The following NXPH4 variants were observed in gnomAD, a reference collection of about 807,000 sequenced individuals.
The protein encoded by NXPH4 is neurexophilin-4.
NXPH4 carries 8 observed loss-of-function variants against 21.3 expected under a neutral mutation model. The ratio of observed to expected loss-of-function variants is 0.38; its 90% CI spans 0.22 to 0.68. The LOEUF (loss-of-function observed/expected upper bound fraction) is 0.68. Ranked by LOEUF, NXPH4 falls within the 30% of genes least tolerant of loss-of-function variation. The pLI, the probability that NXPH4 is intolerant of heterozygous loss-of-function variation, is 0.53. For synonymous variants in NXPH4, 219 were observed against 192.6 expected, an observed-to-expected ratio of 1.14 and a Z score of -1.13; for missense variants, 418 against 416.8, an observed-to-expected ratio of 1.00 and a Z score of -0.03.
Position 57,216,906 on chromosome 12 carries a change from C to A in NXPH4, c.-64C>A. 7.4e-7 allele frequency: 1 copy of A among 1,349,582 alleles called. No homozygotes were observed. The highest frequency in any genetic ancestry group is 3.5e-5 in the East Asian group (1 of 28,364). The allele number at this position is 1,349,582 out of a possible 1,614,324, so 83.6% of individuals were successfully genotyped here. On this transcript the variant is annotated 5_prime_UTR_variant, in exon 1 of 2. Transcript: ENST00000349394. This position sits in a 1 kb window ranked among gnomAD's most constrained non-coding sequence, Gnocchi z 5.3. ...CCGCCGCCCGCCCGGAGCCCCGCGT[C>A]CCTAGGCCTGGCTCCCGCCTGCCCG... is the stretch of plus-strand genomic sequence containing the variant.
rs1025181547 is a variant in NXPH4 at position 57,219,506 on chromosome 12, A to G, written c.57+2480A>G. Among the ~76,000 whole-genome samples, 4 of 152,148 alleles carry G rather than the reference A, an allele frequency of 2.6e-5. No homozygotes were observed. The East Asian group carries it at 7.7e-4, about 29-fold the overall frequency. ...GAGGGCAGGGGCGGGGCCCTGTGGG[A>G]CCTGCCAGCTCTATCCCGCCTCAGG... is the stretch of plus-strand genomic sequence containing the variant. On this transcript the variant is annotated intron_variant, in intron 1 of 1. Transcript: ENST00000349394.
At chr12:57,218,908 C>T (rs1266351444) in intron 1 of NXPH4, among the ~76,000 whole-genome samples, 1 of 152,034 alleles carries the variant, frequency 6.6e-6, no homozygotes, top group Non-Finnish European at 1.5e-5. Context: ...CCCGGGGTTT[C>T]TGGTGCATCT....
Position 57,219,347 on chromosome 12 carries a change from T to G in NXPH4, c.57+2321T>G, listed in dbSNP as rs148784446. Reference sequence around the variant, plus strand: ...TCAGCCAGGGATTCTTGAGGATCTTTCTCATACAGTCTCTGACTCCTTTCC... The same window carrying G: ...TCAGCCAGGGATTCTTGAGGATCTTGCTCATACAGTCTCTGACTCCTTTCC... On this transcript the variant is annotated intron_variant, in intron 1 of 1. Coordinates refer to ENST00000349394, the MANE Select transcript of NXPH4 (RefSeq NM_007224.4). Among the ~76,000 whole-genome samples the G allele has an allele frequency of 1.4e-4, 21 of 152,300 alleles. No homozygotes were observed. In the East Asian group the frequency reaches 3.5e-3, roughly 25 times the overall value.
intron 1 of NXPH4, among the ~76,000 whole-genome samples, chr12:57,217,887 T>G (rs1436248219): frequency 3.3e-5 from 5 of 152,230 alleles, no homozygotes; most frequent in Admixed American, 6.5e-5. Context: ...GGTCCAGTAC[T>G]GGGGCCGAGG....
chr12:57,222,286 G>A (rs186524009), intron 1 of NXPH4, among the ~76,000 whole-genome samples: 18 of 152,272 alleles, frequency 1.2e-4, no homozygotes, highest in African/African-American at 4.1e-4. Context: ...ACGGCACTTT[G>A]TCTGAGATCA....
At position 57,225,662 on chromosome 12, in the gene NXPH4, T is replaced by A; in HGVS notation, c.842T>A (p.Val281Asp). The change falls in exon 2 of 2, where the codon GTC (valine) becomes GAC (aspartate). Residue 281 changes from valine to aspartate, a missense_variant. Val to Asp is a radical substitution (Grantham distance 152, BLOSUM62 -3). Coordinates refer to ENST00000349394, the MANE Select transcript of NXPH4 (RefSeq NM_007224.4). ...AKPFKVICIF[V>D]SFLSFDYKLV... ...CCCTTCAAAGTCATCTGTATCTTCG[T>A]CTCTTTCCTCAGCTTTGACTACAAA... 6.2e-7 allele frequency: 1 copy of A among 1,613,816 alleles called. No homozygotes were observed. Among genetic ancestry groups the A allele is most frequent in the East Asian group, 2.2e-5 (1 of 44,870 alleles).
chr12:57,217,198 C>T (rs1311309621), intron 1 of NXPH4, among the ~76,000 whole-genome samples, 172 bp downstream of exon 1: 9 of 152,184 alleles, frequency 5.9e-5, no homozygotes, highest in Admixed American at 2.6e-4. Context: ...CGGGCACTCT[C>T]CTAGCGCAAG....
Position 57,225,072 on chromosome 12 carries a change from G to T in NXPH4, c.252G>T (p.Gly84=). The T allele has an allele frequency of 6.8e-7, 1 of 1,475,728 alleles. No homozygotes were observed. Among genetic ancestry groups the T allele is most frequent in the Non-Finnish European group, 9.0e-7 (1 of 1,111,774 alleles). The allele number at this position is 1,475,728 out of a possible 1,614,324, so 91.4% of individuals were successfully genotyped here. A position where few individuals can be genotyped will look rare whatever the true frequency, so the allele number is the denominator to read the frequency against. ...TGALARAGAA[G]ALPAQRTKRK... ...CGCTGGCCCGGGCAGGGGCAGCCGG[G>T]GCGTTGCCCGCGCAGCGCACCAAGA... Residue 84 remains glycine (G), a synonymous_variant, in exon 2 of 2, where the codon GGG becomes GGT. Coordinates refer to ENST00000349394, the MANE Select transcript of NXPH4 (RefSeq NM_007224.4).
At chr12:57,220,749 G>C (rs976840430) in intron 1 of NXPH4, among the ~76,000 whole-genome samples, 2 of 152,050 alleles carry the variant, frequency 1.3e-5, no homozygotes, top group South Asian at 2.1e-4. Flanking sequence ...CTCTGTCCCC[G>C]TCTCCTGTGT....
chr12:57,224,912 C>A lies in NXPH4; in HGVS notation c.92C>A (p.Pro31Gln). ...GCCCAGATACCAGAGTCCGGAAGGC[C>A]GCAGTACCTGGGGCTGCGCCCCGCC... ...VSAQIPESGR[P>Q]QYLGLRPAAA... is the part of the protein sequence containing the mutation. The change falls in exon 2 of 2, where the codon CCG (proline) becomes CAG (glutamine). Residue 31 changes from proline (P) to glutamine (Q), a missense_variant. Physicochemically the swap from Pro to Gln is moderately conservative, Grantham distance 76. Coordinates refer to ENST00000349394, the MANE Select transcript of NXPH4 (RefSeq NM_007224.4). 8.0e-7 allele frequency: 1 copy of A among 1,248,828 alleles called. No homozygotes were observed. Among genetic ancestry groups the A allele is most frequent in the Non-Finnish European group, 1.1e-6 (1 of 941,968 alleles). The allele number at this position is 1,248,828 out of a possible 1,614,324, so 77.4% of individuals were successfully genotyped here. A position where few individuals can be genotyped will look rare whatever the true frequency, so the allele number is the denominator to read the frequency against.
intron 1 of NXPH4, 61 bp downstream of exon 1, chr12:57,217,087 A>G: frequency 7.0e-7 from 1 of 1,433,342 alleles, no homozygotes; most frequent in South Asian, 1.2e-5. Context: ...CGAAGGTCCC[A>G]GTGTGCGAGG....
chr12:57,221,075 C>T (rs975870816), intron 1 of NXPH4, among the ~76,000 whole-genome samples: 5 of 152,084 alleles, frequency 3.3e-5, no homozygotes, highest in African/African-American at 1.2e-4. Flanking sequence ...CCAGGCCTAT[C>T]CTCATTGTAT....
At chr12:57,222,435 C>T (rs1592674358) in intron 1 of NXPH4, among the ~76,000 whole-genome samples, 2 of 152,014 alleles carry the variant, frequency 1.3e-5, no homozygotes, top group Admixed American at 1.3e-4. Flanking sequence ...TGACTGGGTA[C>T]AAGACATAGG....
chr12:57,225,252 G>T lies in NXPH4; in HGVS notation c.432G>T (p.Ser144=), dbSNP rs763261315. Residue 144 remains serine, a synonymous_variant, in exon 2 of 2, where the codon TCG becomes TCT. Transcript: ENST00000349394. The stretch of plus-strand genomic sequence containing the variant: ...TCAGTGTGTATTTCCGCCACAACTC[G>T]TCCAGCCTGGGCAACCTCAGTGTCA... ...GTFSVYFRHN[S]SSLGNLSVSI... 4 of 1,549,622 alleles carry T rather than the reference G, an allele frequency of 2.6e-6. No individual in the cohort carries two copies. Among genetic ancestry groups the T allele is most frequent in the East Asian group, 4.5e-5 (2 of 44,338 alleles).
At chr12:57,217,902 A>G (rs957302840) in intron 1 of NXPH4, among the ~76,000 whole-genome samples, 1 of 152,152 alleles carries the variant, frequency 6.6e-6, no homozygotes, top group Non-Finnish European at 1.5e-5. Flanking sequence ...CCGAGGGTAC[A>G]TGTGTATACT....
chr12:57,225,082 G>A lies in NXPH4; in HGVS notation c.262G>A (p.Ala88Thr), dbSNP rs1370808688. The A allele has an allele frequency of 2.0e-6, 3 of 1,480,536 alleles. No individual in the cohort carries two copies. The highest frequency in any genetic ancestry group is 2.9e-5 in the African/African-American group (2 of 70,062). 91.7% of individuals were successfully genotyped at this position (1,480,536 alleles called of 1,614,324 possible). ...ARAGAAGALP[A>T]QRTKRKPSIK... ...GGCAGGGGCAGCCGGGGCGTTGCCC[G>A]CGCAGCGCACCAAGAGGAAGCCGTC... Residue 88 changes from alanine (A) to threonine (T), a missense_variant, in exon 2 of 2, where the codon GCG becomes ACG. Ala to Thr is a moderately conservative substitution (Grantham distance 58). Coordinates refer to ENST00000349394, the MANE Select transcript of NXPH4 (RefSeq NM_007224.4).
At position 57,225,328 on chromosome 12, in the gene NXPH4, G is replaced by A. The variant is rs373401111; in HGVS notation, c.508G>A (p.Gly170Arg). The A allele has an allele frequency of 2.6e-6, 4 of 1,560,412 alleles. No homozygotes were observed. Among genetic ancestry groups the A allele is most frequent in the South Asian group, 1.2e-5 (1 of 82,992 alleles). The change falls in exon 2 of 2, where the codon GGG (glycine) becomes AGG (arginine). Residue 170 changes from glycine (G) to arginine (R), a missense_variant. By Grantham distance (125) the Gly-to-Arg change is moderately radical. Coordinates refer to ENST00000349394, the MANE Select transcript of NXPH4 (RefSeq NM_007224.4). Reference protein sequence around the residue: ...RVEFGGVWLPGPVPHPLQSTL... With the variant: ...RVEFGGVWLPRPVPHPLQSTL... ...CGAGTTCGGAGGAGTCTGGCTGCCC[G>A]GGCCTGTCCCCCACCCTCTGCAGTC...
intron 1 of NXPH4, among the ~76,000 whole-genome samples, chr12:57,221,126 A>G (rs1592673779): frequency 6.6e-6 from 1 of 151,368 alleles, no homozygotes; most frequent in East Asian, 2.0e-4. Context: ...CCAGTCCCCA[A>G]TCCCAGTCCC....
intron 1 of NXPH4, among the ~76,000 whole-genome samples, chr12:57,223,802 G>A (rs930856882): frequency 7.9e-5 from 12 of 152,152 alleles, no homozygotes; most frequent in African/African-American, 1.4e-4. Context: ...GGCCTGGCCC[G>A]GCCGCTCCTG....
Sources: allele counts gnomAD v4.1 joint callset (sites outside exome capture counted in the v4.1 genomes callset), GRCh38; gene constraint gnomAD v4.1.1; non-coding constraint Gnocchi (gnomAD v3.1); transcripts MANE v1.5; gene names NCBI Gene and HGNC (gene_info 2026-07-23, HGNC 2026-07-21).